TSPAN2: variants seen among roughly 807,000 people sequenced by gnomAD.
TSPAN2 encodes the protein tetraspanin 2.
In TSPAN2, 24 loss-of-function variants were observed where a neutral mutation model predicts 33.3. The ratio of observed to expected loss-of-function variants is 0.72; its 90% CI spans 0.52 to 1.01. The LOEUF (loss-of-function observed/expected upper bound fraction) is 1.01, where lower values mean the gene tolerates loss of function less well. Among genes scored for constraint, TSPAN2 ranks in the 50% least tolerant of loss-of-function variants. The probability of loss-of-function intolerance (pLI) is 0.00; values close to 1 mark genes in which losing one functional copy is unlikely to be tolerated. For synonymous variants in TSPAN2, 114 were observed against 104.5 expected (o/e 1.09, Z -0.56); for missense variants, 278 against 281.3 (o/e 0.99, Z 0.08).
At chr1:115,058,444 G>A (rs1219842619) in intron 5 of TSPAN2, 1 of 230,870 alleles carries the variant, frequency 4.3e-6, no homozygotes, top group African/African-American at 2.4e-5. Flanking sequence ...TGAGGGAGCT[G>A]CGTGGGTATC....
At chr1:115,060,780 C>G (rs1436007902) in intron 3 of TSPAN2, among the ~76,000 whole-genome samples, 1 of 152,014 alleles carries the variant, frequency 6.6e-6, no homozygotes, top group African/African-American at 2.4e-5. Context: ...TTGGATTGGA[C>G]AGAGGAATAT....
intron 2 of TSPAN2, 23 bp from the exon 3 acceptor site, chr1:115,062,255 G>A: frequency 1.3e-6 from 2 of 1,560,098 alleles, no homozygotes; most frequent in Non-Finnish European, 1.7e-6. Context: ...GGTCAGAGGA[G>A]ACCACTGAGA....
rs1675214102 is a variant in TSPAN2, at chr1:115,048,305, A to T, written c.*2185T>A. 7.0e-6 allele frequency: 1 copy of T among 142,944 alleles called. No individual in the cohort carries two copies. Among genetic ancestry groups the T allele is most frequent in the African/African-American group, 2.7e-5 (1 of 36,670 alleles). The allele number at this position is 142,944 out of a possible 1,614,324, so 8.9% of individuals were successfully genotyped here. A position where few individuals can be genotyped will look rare whatever the true frequency, so the allele number is the denominator to read the frequency against. ...ATATATATTATATGTGTGTCTATAC[A>T]GATATATATATATATATATTCATCT... On this transcript the variant is annotated 3_prime_UTR_variant, in exon 8 of 8. Transcript: ENST00000369516.
Position 115,052,732 on chromosome 1 carries a change from C to T in TSPAN2, c.600+647G>A, listed in dbSNP as rs112518329. Among the ~76,000 whole-genome samples the T allele has an allele frequency of 4.1e-3, 626 of 152,248 alleles. 1 individual carries two copies. The highest frequency in any genetic ancestry group is 7.3e-3 in the Admixed American group (112 of 15,288). On this transcript the variant is annotated intron_variant, in intron 7 of 7. Transcript: ENST00000369516. Reference sequence around the variant, plus strand: ...ACGCTTAATACCATCTATGCCATTGCCTTTGCCTGGTAGATTATGCAGAGA... The same window carrying T: ...ACGCTTAATACCATCTATGCCATTGTCTTTGCCTGGTAGATTATGCAGAGA...
intron 1 of TSPAN2, among the ~76,000 whole-genome samples, chr1:115,083,061 C>T (rs1053517437): frequency 1.3e-5 from 2 of 152,312 alleles, no homozygotes; most frequent in Admixed American, 1.3e-4. Context: ...AAAGGCAGGC[C>T]AAGGTAACCC....
chr1:115,067,245 C>T (rs888417079), intron 2 of TSPAN2, among the ~76,000 whole-genome samples: 1 of 152,178 alleles, frequency 6.6e-6, no homozygotes, highest in African/African-American at 2.4e-5. Context: ...GAAATTGGTT[C>T]ATTTTGCAAT....
At chr1:115,071,443 A>G (rs1170358104) in intron 2 of TSPAN2, among the ~76,000 whole-genome samples, 1 of 152,234 alleles carries the variant, frequency 6.6e-6, no homozygotes, top group Non-Finnish European at 1.5e-5. Flanking sequence ...TGAAGACAGC[A>G]GAGAGGGGGA....
intron 1 of TSPAN2, among the ~76,000 whole-genome samples, chr1:115,083,874 A>C (rs1369015265): frequency 1.3e-5 from 2 of 152,192 alleles, no homozygotes; most frequent in African/African-American, 2.4e-5. Flanking sequence ...CCTGCCCTCA[A>C]GGAGCAAAGA....
chr1:115,073,502 A>C (rs1359265450), intron 1 of TSPAN2, among the ~76,000 whole-genome samples: 1 of 145,104 alleles, frequency 6.9e-6, no homozygotes, highest in Non-Finnish European at 1.5e-5. Flanking sequence ...AAAATACAGC[A>C]ACCTCAACCT....
At chr1:115,068,529 A>G (rs1332834193) in intron 2 of TSPAN2, among the ~76,000 whole-genome samples, 1 of 152,208 alleles carries the variant, frequency 6.6e-6, no homozygotes, top group Non-Finnish European at 1.5e-5. Flanking sequence ...CAAAGGGGTG[A>G]TAAGAGTTTA....
At chr1:115,072,424 G>A (rs1648216952) in intron 2 of TSPAN2, among the ~76,000 whole-genome samples, 1 of 152,078 alleles carries the variant, frequency 6.6e-6, no homozygotes, top group Admixed American at 6.5e-5. Context: ...TTTGAGTTAT[G>A]TTTTTTCCTA....
chr1:115,064,324 T>C (rs1461661940), intron 2 of TSPAN2, among the ~76,000 whole-genome samples: 2 of 152,222 alleles, frequency 1.3e-5, no homozygotes, highest in African/African-American at 4.8e-5. Flanking sequence ...CTTCATGGAA[T>C]GTCTCCTGGT....
rs188791094 is a variant in TSPAN2 at position 115,082,269 on chromosome 1, C to T, written c.69+7095G>A. 2.6e-4 allele frequency among the ~76,000 whole-genome samples: 39 copies of T among 152,324 alleles called. No homozygotes were observed. In the East Asian group the frequency reaches 6.9e-3, roughly 27 times the overall value. On this transcript the variant is annotated intron_variant, in intron 1 of 7. Transcript: ENST00000369516. ...CATTGGACAGTGCAGGTCTAGAATT[C>T]ACAAGTTTGTCAGAGCTTCAACCTT...
Position 115,057,400 on chromosome 1 carries a change from T to A in TSPAN2, c.516+137A>T. The A allele has an allele frequency of 4.8e-6, 4 of 827,406 alleles. No individual in the cohort carries two copies. In the South Asian group the frequency reaches 5.9e-5, roughly 12 times the overall value. The allele number at this position is 827,406 out of a possible 1,614,324, so 51.3% of individuals were successfully genotyped here. ...GGGTCTCTCAGCTCAACGCTATTCA[T>A]TTTCCATCAATCCTCTATGCTGCCA... is the stretch of plus-strand genomic sequence containing the variant. On this transcript the variant is annotated intron_variant, in intron 6 of 7. Coordinates refer to ENST00000369516, the MANE Select transcript of TSPAN2 (RefSeq NM_005725.6).
intron 1 of TSPAN2, among the ~76,000 whole-genome samples, chr1:115,085,193 A>G (rs186238309): frequency 1.3e-5 from 2 of 152,362 alleles, no homozygotes; most frequent in Admixed American, 6.5e-5. Context: ...CTGAATTTAG[A>G]CATGACAGAT....
intron 3 of TSPAN2, among the ~76,000 whole-genome samples, chr1:115,061,213 A>G (rs1199055503): frequency 6.6e-6 from 1 of 152,236 alleles, no homozygotes; most frequent in East Asian, 1.9e-4. Context: ...GCCAGAGTTA[A>G]AAATCCAAAT....
intron 1 of TSPAN2, among the ~76,000 whole-genome samples, chr1:115,082,853 TGG>T (rs1410729722): frequency 6.6e-5 from 10 of 152,190 alleles, no homozygotes; most frequent in Non-Finnish European, 1.5e-4. Context: ...GAAAAAAGCA[TGG>T]GGTTTAAAGT....
At chr1:115,056,170 T>C (rs1647412047) in intron 6 of TSPAN2, among the ~76,000 whole-genome samples, 2 of 152,246 alleles carry the variant, frequency 1.3e-5, no homozygotes, top group Admixed American at 6.5e-5. Flanking sequence ...ATTTCATAGA[T>C]TAAACAACAG....
At chr1:115,056,763 C>T (rs2101024597) in intron 6 of TSPAN2, among the ~76,000 whole-genome samples, 1 of 152,260 alleles carries the variant, frequency 6.6e-6, no homozygotes, top group African/African-American at 2.4e-5. Context: ...AATGCAAGCT[C>T]CTTGTGAGTA....
Sources: allele counts gnomAD v4.1 joint callset (sites outside exome capture counted in the v4.1 genomes callset), GRCh38; gene constraint gnomAD v4.1.1; transcripts MANE v1.5; gene names NCBI Gene and HGNC (gene_info 2026-07-23, HGNC 2026-07-21).